ARHGEF28: variants seen among roughly 807,000 people sequenced by gnomAD.
ARHGEF28 encodes 190 kDa guanine nucleotide exchange factor.
In ARHGEF28, 152 loss-of-function variants were observed where a neutral mutation model predicts 206.6. That is an observed-to-expected ratio of 0.74 (90% confidence interval 0.64 to 0.84). The LOEUF is 0.84. ARHGEF28 is among the 40% of genes least tolerant of loss of function. The pLI is 0.00. For synonymous variants in ARHGEF28, 763 were observed against 776.4 expected, an observed-to-expected ratio of 0.98 and a Z score of 0.29; for missense variants, 2,028 against 2,073.2, an observed-to-expected ratio of 0.98 and a Z score of 0.42.
chr5:73,931,605 TA>T (rs1411290885), intron 35 of ARHGEF28, among the ~76,000 whole-genome samples: 2 of 152,210 alleles, frequency 1.3e-5, no homozygotes, highest in Non-Finnish European at 2.9e-5. Flanking sequence ...ATTGATTGTT[TA>T]AAAAATACTA....
At chr5:73,693,542 T>C (rs192260446) in intron 2 of ARHGEF28, among the ~76,000 whole-genome samples, 1 of 152,308 alleles carries the variant, frequency 6.6e-6, no homozygotes, top group Admixed American at 6.5e-5. Flanking sequence ...TAGGTAAGGG[T>C]GTCTTTCAAA....
chr5:73,692,560 T>C (rs1375066336), intron 2 of ARHGEF28, among the ~76,000 whole-genome samples: 2 of 152,160 alleles, frequency 1.3e-5, no homozygotes, highest in Non-Finnish European at 2.9e-5. Context: ...GCTGGGCTCA[T>C]TGTGGGTGTT....
rs157452 is a variant in ARHGEF28 at position 73,940,124 on chromosome 5, A to G, written c.4949-720A>G. ...AAGTGCAGGGAAAATGGTTTGCAGCAAGTGTCTTTCTTCAAATCAAGCCTC... is the reference window on the plus strand; with the variant it reads ...AAGTGCAGGGAAAATGGTTTGCAGCGAGTGTCTTTCTTCAAATCAAGCCTC... On this transcript the variant is annotated intron_variant, in intron 35 of 35. Transcript: ENST00000513042. Among the ~76,000 whole-genome samples the G allele has an allele frequency of 6.8e-3, 1,032 of 152,284 alleles. 70 individuals are homozygous for G. In the East Asian group the frequency reaches 0.16, roughly 23 times the overall value.
chr5:73,729,359 G>GTA (rs1750469515), intron 2 of ARHGEF28, among the ~76,000 whole-genome samples: 2 of 152,196 alleles, frequency 1.3e-5, no homozygotes, highest in African/African-American at 2.4e-5. Flanking sequence ...GGATGACCAT[G>GTA]TATAGTGCTG....
At chr5:73,648,348 C>T (rs552779904) in intron 1 of ARHGEF28, among the ~76,000 whole-genome samples, 6 of 152,136 alleles carry the variant, frequency 3.9e-5, no homozygotes, top group South Asian at 2.1e-4. Flanking sequence ...AGATCAAGAT[C>T]GAGTTGTTTA....
chr5:73,740,057 G>A (rs2112371956), intron 2 of ARHGEF28, among the ~76,000 whole-genome samples: 1 of 148,538 alleles, frequency 6.7e-6, no homozygotes, highest in South Asian at 2.1e-4. Flanking sequence ...GGTGCCTGCA[G>A]TCCTAGCTAC....
At chr5:73,918,423 T>C (rs1290118126) in intron 35 of ARHGEF28, among the ~76,000 whole-genome samples, 1 of 152,230 alleles carries the variant, frequency 6.6e-6, no homozygotes, top group Non-Finnish European at 1.5e-5. Context: ...ACACTCCTCC[T>C]TGTTTGGAAT....
At chr5:73,906,838 T>C (rs1253551992) in intron 33 of ARHGEF28, among the ~76,000 whole-genome samples, 4 of 152,196 alleles carry the variant, frequency 2.6e-5, no homozygotes, top group Non-Finnish European at 4.4e-5. Flanking sequence ...AATAAAGGTA[T>C]TGATTTTGGG....
chr5:73,718,165 C>G (rs1749704004), intron 2 of ARHGEF28, among the ~76,000 whole-genome samples: 1 of 152,266 alleles, frequency 6.6e-6, no homozygotes, highest in East Asian at 1.9e-4. Context: ...AGCCACCACA[C>G]TGGGCCAAAA....
At chr5:73,635,700 G>A (rs1263658066) in intron 1 of ARHGEF28, among the ~76,000 whole-genome samples, 1 of 152,186 alleles carries the variant, frequency 6.6e-6, no homozygotes, top group African/African-American at 2.4e-5. Context: ...CTCATCTAAT[G>A]TAAGTGTTGT....
chr5:73,691,117 A>C (rs1175847744), intron 2 of ARHGEF28, among the ~76,000 whole-genome samples: 1 of 151,954 alleles, frequency 6.6e-6, no homozygotes, highest in Admixed American at 6.6e-5. Context: ...TTTTGTAGAG[A>C]TGGGGTCTTG....
chr5:73,729,717 G>A (rs1362398614), intron 2 of ARHGEF28, among the ~76,000 whole-genome samples: 2 of 152,118 alleles, frequency 1.3e-5, no homozygotes, highest in African/African-American at 2.4e-5. Context: ...ATCTTTCCTC[G>A]ATAAGGTGGG....
chr5:73,880,001 T>G (rs538363797), intron 22 of ARHGEF28, among the ~76,000 whole-genome samples: 1 of 152,310 alleles, frequency 6.6e-6, no homozygotes, highest in South Asian at 2.1e-4. Context: ...ACTGCTGTCT[T>G]TTTGTTTGTC....
At chr5:73,888,336 A>G (rs1488882611) in intron 26 of ARHGEF28, among the ~76,000 whole-genome samples, 4 of 152,276 alleles carry the variant, frequency 2.6e-5, no homozygotes, top group African/African-American at 9.6e-5. Flanking sequence ...GATAATAAGA[A>G]GGCTTGAAGA....
chr5:73,789,139 T>C (rs866071843), intron 7 of ARHGEF28, among the ~76,000 whole-genome samples: 2 of 152,176 alleles, frequency 1.3e-5, no homozygotes, highest in African/African-American at 2.4e-5. Flanking sequence ...AGCTGAGGAA[T>C]AGATAAACAA....
At chr5:73,922,979 C>CTTTGCATTTGCAAAACTTGGTAT in intron 35 of ARHGEF28, 4 of 1,070,294 alleles carry the variant, frequency 3.7e-6, no homozygotes, top group Non-Finnish European at 5.4e-6. Flanking sequence ...ATGCAAAGTA[C>CTTTGCATTTGCAAAACTTGGTAT]TTTTCATTGG....
At chr5:73,888,020 T>A (rs1226774600) in intron 26 of ARHGEF28, among the ~76,000 whole-genome samples, 1 of 152,188 alleles carries the variant, frequency 6.6e-6, no homozygotes, top group Non-Finnish European at 1.5e-5. Flanking sequence ...TGGTCTTTCC[T>A]CCAGACTCCT....
chr5:73,721,960 G>A (rs1293762351), intron 2 of ARHGEF28, among the ~76,000 whole-genome samples: 1 of 152,082 alleles, frequency 6.6e-6, no homozygotes, highest in Admixed American at 6.6e-5. Flanking sequence ...CTCAGTGTTG[G>A]CCCCACCCTA....
In ARHGEF28 at chr5:73,898,032, TG is replaced by T. The variant is rs1182630043; in HGVS notation, c.3914del (p.Gly1305GlufsTer22). 2.5e-6 allele frequency: 4 copies of T among 1,610,046 alleles called. No homozygotes were observed. Among genetic ancestry groups the T allele is most frequent in the Non-Finnish European group, 3.4e-6 (4 of 1,178,196 alleles). On this transcript the variant is annotated frameshift_variant, in exon 30 of 36. Coordinates refer to ENST00000513042, the MANE Select transcript of ARHGEF28 (RefSeq NM_001177693.2). LOFTEE classifies it high-confidence loss of function. ...TGAGTCAATCATGTGAGGACAGTTG[TG>T]GAGACTCTGTCTTGGCGGACACACT... ...AVSQSCEDSC[G>X]DSVLADTLSS...
Sources: gnomAD v4.1 joint callset for allele counts (sites outside exome capture counted in the v4.1 genomes callset) on GRCh38, gnomAD v4.1.1 for gene constraint, MANE v1.5 for transcripts, NCBI Gene and HGNC (gene_info 2026-07-23, HGNC 2026-07-21) for gene names.